MDGA2: variants seen among roughly 807,000 people sequenced by gnomAD.
MDGA2 encodes MAM domain-containing glycosylphosphatidylinositol anchor protein 2.
Under a neutral mutation model 117.8 loss-of-function variants are expected in MDGA2, and 40 were observed. The observed-to-expected ratio is 0.34, with a 90% CI of 0.26 to 0.44. MDGA2 has a LOEUF of 0.44. MDGA2 is among the 20% of genes least tolerant of loss of function. The pLI is 1.00. For synonymous variants in MDGA2, 452 were observed against 439.0 expected, an observed-to-expected ratio of 1.03 and a Z score of -0.37; for missense variants, 1,123 against 1,250.6, an observed-to-expected ratio of 0.90 and a Z score of 1.54.
chr14:47,068,860 T>C lies in MDGA2; in HGVS notation c.1196-7282A>G, dbSNP rs17118002. ...ATAATGAGACTAACTTAATCTAAAATCTTTCGTTACCTTTCTTGAGCTTTT... is the reference window on the plus strand; with the variant it reads ...ATAATGAGACTAACTTAATCTAAAACCTTTCGTTACCTTTCTTGAGCTTTT... On this transcript the variant is annotated intron_variant, in intron 6 of 16. Transcript: ENST00000399232. Among the ~76,000 whole-genome samples, 582 of 152,268 alleles carry C rather than the reference T, an allele frequency of 3.8e-3. 6 individuals are homozygous for C. Among genetic ancestry groups the C allele is most frequent in the African/African-American group, 0.013 (555 of 41,550 alleles).
chr14:47,189,570 TC>T (rs1885035594), intron 3 of MDGA2, among the ~76,000 whole-genome samples: 1 of 152,150 alleles, frequency 6.6e-6, no homozygotes, highest in African/African-American at 2.4e-5. Context: ...CTTTTCCTCC[TC>T]CCCATCACCT....
intron 1 of MDGA2, among the ~76,000 whole-genome samples, chr14:47,457,880 T>C (rs532955656): frequency 2.6e-5 from 4 of 151,862 alleles, no homozygotes; most frequent in African/African-American, 9.6e-5. Flanking sequence ...AGAGCACATA[T>C]TTTGTAAAAT....
chr14:46,857,592 A>G lies in MDGA2; in HGVS notation c.2753-2438T>C, dbSNP rs1028510969. Reference sequence around the variant, plus strand: ...GGTTTTCTTTAGATTCATCTTGCTCAGGGTTATGCTGAGTTTCTTCTAAGT... The same window carrying G: ...GGTTTTCTTTAGATTCATCTTGCTCGGGGTTATGCTGAGTTTCTTCTAAGT... On this transcript the variant is annotated intron_variant, in intron 14 of 16. Transcript: ENST00000399232. Among the ~76,000 whole-genome samples the G allele has an allele frequency of 2.6e-5, 4 of 151,998 alleles. No homozygotes were observed. In the South Asian group the frequency reaches 8.3e-4, roughly 31 times the overall value.
intron 1 of MDGA2, among the ~76,000 whole-genome samples, chr14:47,371,418 C>T (rs1216789380): frequency 1.3e-5 from 2 of 151,722 alleles, no homozygotes; most frequent in Non-Finnish European, 3.0e-5. Context: ...ACTCTCCAGT[C>T]ATGAACTATA....
At chr14:46,849,161 A>G (rs1313174797) in intron 15 of MDGA2, among the ~76,000 whole-genome samples, 1 of 151,966 alleles carries the variant, frequency 6.6e-6, no homozygotes, top group East Asian at 1.9e-4. Flanking sequence ...CATAATTTGT[A>G]TTTTTAATAT....
At chr14:47,025,647 T>C (rs1184095896) in intron 8 of MDGA2, among the ~76,000 whole-genome samples, 3 of 151,936 alleles carry the variant, frequency 2.0e-5, no homozygotes, top group African/African-American at 7.2e-5. Context: ...AATCTAAAGA[T>C]TACAAGCCTA....
chr14:47,587,752 G>C (rs925152049), intron 1 of MDGA2, among the ~76,000 whole-genome samples: 1 of 151,796 alleles, frequency 6.6e-6, no homozygotes, highest in African/African-American at 2.4e-5. Flanking sequence ...TCACAATTTT[G>C]TGTACAATTC....
intron 1 of MDGA2, among the ~76,000 whole-genome samples, chr14:47,641,611 A>C (rs2138246955): frequency 6.6e-6 from 1 of 152,238 alleles, no homozygotes; most frequent in Middle Eastern, 3.4e-3. Context: ...GCCAATAAGA[A>C]ATCAAAAGAA....
chr14:47,044,348 A>T (rs932690643), intron 7 of MDGA2, among the ~76,000 whole-genome samples: 1 of 152,202 alleles, frequency 6.6e-6, no homozygotes, highest in African/African-American at 2.4e-5. Context: ...AGGAGGTAGA[A>T]ATAATACACT....
At chr14:47,039,554 A>G (rs1169389535) in intron 7 of MDGA2, among the ~76,000 whole-genome samples, 1 of 152,160 alleles carries the variant, frequency 6.6e-6, no homozygotes, top group Non-Finnish European at 1.5e-5. Flanking sequence ...CCTAAGCTTT[A>G]TCATCATAAA....
chr14:46,842,820 A>C (rs1880673058), intron 16 of MDGA2, among the ~76,000 whole-genome samples: 1 of 152,244 alleles, frequency 6.6e-6, no homozygotes, highest in Admixed American at 6.5e-5. Context: ...CCATAGTTCC[A>C]TTTATTGCCT....
chr14:47,061,682 T>A (rs2138787530), intron 6 of MDGA2, 104 bp from the exon 7 acceptor site: 1 of 937,038 alleles, frequency 1.1e-6, no homozygotes, highest in East Asian at 2.7e-5. Context: ...TAAAACCAAA[T>A]AAAGTGTACA....
Position 47,674,603 on chromosome 14 carries a change from T to C in MDGA2, c.194A>G (p.His65Arg). The C allele has an allele frequency of 1.3e-6, 2 of 1,550,352 alleles. No homozygotes were observed. Among genetic ancestry groups the C allele is most frequent in the Non-Finnish European group, 1.7e-6 (2 of 1,146,216 alleles). The change falls in exon 1 of 17, where the codon CAT becomes CGT. Residue 65 changes from histidine to arginine, a missense_variant. By Grantham distance (29) the His-to-Arg change is conservative. This residue lies in a region of MDGA2 where 233 missense variants were observed against 200.3 expected (regional missense o/e 1.16). Coordinates refer to ENST00000399232, the MANE Select transcript of MDGA2 (RefSeq NM_001113498.3). ...PLRTPWAGYV[H>R]VHVKMDLLYG... ...CAGTAAATCCATCTTCACGTGAACA[T>C]GAACATATCCAGCCCAGGGGGTACG...
intron 1 of MDGA2, among the ~76,000 whole-genome samples, chr14:47,487,607 C>T (rs926037114): frequency 4.6e-5 from 7 of 152,052 alleles, no homozygotes; most frequent in Non-Finnish European, 8.8e-5. Context: ...ATCTAAATGA[C>T]TTCTTTACAG....
rs961524088 is a variant in MDGA2 at position 47,476,538 on chromosome 14, GA to G, written c.281-174989del. ...GCCTATAAATATATTCCTGAGTGAA[GA>G]AAAAAAATAGAAAACAAACACAGTG... On this transcript the variant is annotated intron_variant, in intron 1 of 16. Coordinates refer to ENST00000399232, the MANE Select transcript of MDGA2 (RefSeq NM_001113498.3). Among the ~76,000 whole-genome samples the G allele has an allele frequency of 5.6e-4, 83 of 149,080 alleles. 1 individual carries two copies. The highest frequency in any genetic ancestry group is 3.5e-3 in the Middle Eastern group (1 of 288).
chr14:47,669,974 A>G (rs12882310), intron 1 of MDGA2, among the ~76,000 whole-genome samples: 46,514 of 151,996 alleles, frequency 0.31, 7,902 homozygotes, highest in Middle Eastern at 0.41. Flanking sequence ...CTTCCTATCC[A>G]TCCAGATTCA....
At chr14:47,110,392 C>G (rs1387051707) in intron 5 of MDGA2, among the ~76,000 whole-genome samples, 1 of 152,134 alleles carries the variant, frequency 6.6e-6, no homozygotes, top group Non-Finnish European at 1.5e-5. Flanking sequence ...TGTAAAATAG[C>G]AACAGCAGAA....
intron 5 of MDGA2, among the ~76,000 whole-genome samples, chr14:47,118,780 CTG>C (rs1230112078): frequency 2.0e-5 from 3 of 152,202 alleles, no homozygotes; most frequent in African/African-American, 7.2e-5. Context: ...GTCGTTCAGT[CTG>C]GAGTGCAGCG....
intron 1 of MDGA2, among the ~76,000 whole-genome samples, chr14:47,331,901 G>C (rs1282626913): frequency 6.6e-6 from 1 of 151,846 alleles, no homozygotes; most frequent in African/African-American, 2.4e-5. Context: ...TTTCTAAAAG[G>C]AAATCAAATA....
Sources: allele counts gnomAD v4.1 joint callset (sites outside exome capture counted in the v4.1 genomes callset), GRCh38; gene constraint gnomAD v4.1.1; regional missense constraint gnomAD v4.1.1; transcripts MANE v1.5; gene names NCBI Gene and HGNC (gene_info 2026-07-23, HGNC 2026-07-21).